The following SH3BGR variants were observed in gnomAD, a reference collection of about 807,000 sequenced individuals.
The protein encoded by SH3BGR is SH3 domain binding glutamate rich protein, also known as SH3 domain-binding glutamic acid-rich protein.
Under a neutral mutation model 24.5 loss-of-function variants are expected in SH3BGR, and 29 were observed. The ratio of observed to expected loss-of-function variants is 1.18; its 90% CI spans 0.88 to 1.61. The LOEUF (loss-of-function observed/expected upper bound fraction) is 1.61, where lower values mean the gene tolerates loss of function less well. Among genes scored for constraint, SH3BGR ranks in the 40% most tolerant of loss-of-function variants. The pLI, the probability that SH3BGR is intolerant of heterozygous loss-of-function variation, is 0.00. For missense variants in SH3BGR, 162 were observed against 205.8 expected (o/e 0.79, Z 1.30); for synonymous variants, 55 against 65.7 (o/e 0.84, Z 0.79).
At chr21:39,474,479 T>G (rs1192369987) in intron 2 of SH3BGR, among the ~76,000 whole-genome samples, 1 of 152,176 alleles carries the variant, frequency 6.6e-6, no homozygotes, top group Non-Finnish European at 1.5e-5. Context: ...ATTGAAACTC[T>G]TCTAAGCTAT....
chr21:39,457,319 T>G (rs1176084211), intron 1 of SH3BGR, among the ~76,000 whole-genome samples: 1 of 143,066 alleles, frequency 7.0e-6, no homozygotes, highest in Non-Finnish European at 1.5e-5. Flanking sequence ...TAAATCTTAT[T>G]ATATATAAGA....
intron 3 of SH3BGR, among the ~76,000 whole-genome samples, chr21:39,477,733 A>T (rs1454251462): frequency 6.6e-6 from 1 of 152,170 alleles, no homozygotes; most frequent in African/African-American, 2.4e-5. Flanking sequence ...TGATCTTAGG[A>T]CCATTAAATT....
At chr21:39,464,513 G>T (rs1031202199) in intron 2 of SH3BGR, among the ~76,000 whole-genome samples, 1 of 152,148 alleles carries the variant, frequency 6.6e-6, no homozygotes, top group Non-Finnish European at 1.5e-5. Context: ...GTAAGCCACC[G>T]CGCCCGGCCC....
At chr21:39,493,638 C>G (rs2078342569) in intron 3 of SH3BGR, among the ~76,000 whole-genome samples, 1 of 152,146 alleles carries the variant, frequency 6.6e-6, no homozygotes, top group South Asian at 2.1e-4. Context: ...ATTGTTTTTT[C>G]TAGTTCTGTG....
At chr21:39,509,352 C>T (rs2123552260) in intron 5 of SH3BGR, among the ~76,000 whole-genome samples, 1 of 152,284 alleles carries the variant, frequency 6.6e-6, no homozygotes, top group African/African-American at 2.4e-5. Flanking sequence ...CGTCCTTTTC[C>T]ACCCTGTTGA....
chr21:39,457,459 GATT>G (rs1254711049), intron 1 of SH3BGR, among the ~76,000 whole-genome samples: 1 of 131,050 alleles, frequency 7.6e-6, no homozygotes, highest in Non-Finnish European at 1.6e-5. Context: ...TTATGTATAA[GATT>G]ATATATTATA....
intron 2 of SH3BGR, among the ~76,000 whole-genome samples, chr21:39,468,913 A>G (rs1274106054): frequency 1.3e-5 from 2 of 152,130 alleles, no homozygotes; most frequent in African/African-American, 2.4e-5. Context: ...TCTCTGTGGG[A>G]AATGTTTCAA....
At chr21:39,482,880 G>A (rs1334649642) in intron 3 of SH3BGR, among the ~76,000 whole-genome samples, 1 of 152,184 alleles carries the variant, frequency 6.6e-6, no homozygotes, top group Non-Finnish European at 1.5e-5. Flanking sequence ...ATGTTGGCCA[G>A]GCTGGTCTCG....
intron 3 of SH3BGR, chr21:39,488,712 G>T (rs923275056): frequency 1.5e-5 from 7 of 457,248 alleles, no homozygotes; most frequent in African/African-American, 1.0e-4. Flanking sequence ...AGATGACAGA[G>T]GCAGAAGTAG....
intron 1 of SH3BGR, among the ~76,000 whole-genome samples, chr21:39,453,942 A>G (rs888374684): frequency 6.6e-6 from 1 of 152,220 alleles, no homozygotes; most frequent in Admixed American, 6.5e-5. Flanking sequence ...AGTTGCTACT[A>G]TAATTGTTAT....
chr21:39,502,798 G>T (rs1173791464), intron 4 of SH3BGR, among the ~76,000 whole-genome samples: 2 of 152,208 alleles, frequency 1.3e-5, no homozygotes, highest in African/African-American at 4.8e-5. Context: ...ACACAGACTG[G>T]CCTTTCACAG....
intron 2 of SH3BGR, among the ~76,000 whole-genome samples, chr21:39,467,998 A>G (rs2077871816): frequency 6.6e-6 from 1 of 152,256 alleles, no homozygotes; most frequent in Non-Finnish European, 1.5e-5. Context: ...GAAAGAGCAG[A>G]CACATCTCTT....
At chr21:39,485,840 A>C (rs1461953743) in intron 3 of SH3BGR, among the ~76,000 whole-genome samples, 1 of 151,922 alleles carries the variant, frequency 6.6e-6, no homozygotes, top group East Asian at 1.9e-4. Flanking sequence ...GGCGCCCGCC[A>C]CCACGCCCGG....
intron 1 of SH3BGR, among the ~76,000 whole-genome samples, chr21:39,461,393 T>C (rs992409781): frequency 6.6e-6 from 1 of 152,176 alleles, no homozygotes; most frequent in Non-Finnish European, 1.5e-5. Flanking sequence ...CACCTTGGCC[T>C]CCTAAAGTGC....
chr21:39,510,361 T>TAC (rs2078657489), intron 5 of SH3BGR, among the ~76,000 whole-genome samples: 3 of 111,378 alleles, frequency 2.7e-5, no homozygotes, highest in Non-Finnish European at 5.6e-5. Context: ...CCACTGTAGC[T>TAC]ACATACACAC....
At chr21:39,463,129 C>G (rs1459155040) in intron 2 of SH3BGR, among the ~76,000 whole-genome samples, 2 of 152,212 alleles carry the variant, frequency 1.3e-5, no homozygotes, top group African/African-American at 4.8e-5. Flanking sequence ...AGTGATCCTC[C>G]TGCCTTGGCC....
chr21:39,475,021 C>T (rs1475379680), intron 2 of SH3BGR, 114 bp from the exon 3 acceptor site: 1 of 637,142 alleles, frequency 1.6e-6, no homozygotes, highest in Non-Finnish European at 2.7e-6. Flanking sequence ...ACTGGGATGA[C>T]TTTTTGTGTG....
intron 5 of SH3BGR, among the ~76,000 whole-genome samples, chr21:39,510,435 CACACACACACACACACACACTGTAGCT>C (rs1265592393): frequency 0.047 from 4,762 of 102,022 alleles, 256 homozygotes; most frequent in African/African-American, 0.15. Context: ...TAGCTACACA[CACACACACACACACACACACTGTAGCT>C]ACACACACAC....
At chr21:39,450,686 G>C (rs559947743), upstream of SH3BGR, among the ~76,000 whole-genome samples, 1 of 152,190 alleles carries the variant, frequency 6.6e-6, no homozygotes, top group Non-Finnish European at 1.5e-5. Flanking sequence ...CTAGCCCTTT[G>C]TCCCTAATGC....
Sources: allele counts gnomAD v4.1 joint callset (sites outside exome capture counted in the v4.1 genomes callset), GRCh38; gene constraint gnomAD v4.1.1; transcripts MANE v1.5; gene names NCBI Gene and HGNC (gene_info 2026-07-23, HGNC 2026-07-21).